Variants in FOXN3 observed in about 807,000 individuals in gnomAD.
The protein encoded by FOXN3 is forkhead box protein N3.
Under a neutral mutation model 38.4 loss-of-function variants are expected in FOXN3, and 7 were observed. The ratio of observed to expected loss-of-function variants is 0.18; its 90% confidence interval spans 0.10 to 0.34. The LOEUF (loss-of-function observed/expected upper bound fraction) is 0.34, where lower values mean the gene tolerates loss of function less well. Ranked by LOEUF, FOXN3 falls within the 10% of genes least tolerant of loss-of-function variation. The probability of loss-of-function intolerance (pLI) is 1.00; values close to 1 mark genes in which losing one functional copy is unlikely to be tolerated. For missense variants in FOXN3, 456 were observed against 613.4 expected (o/e 0.74, Z 2.71); for synonymous variants, 230 against 242.2 (o/e 0.95, Z 0.47).
Position 89,169,535 on chromosome 14 carries a change from A to AAC in FOXN3, c.852-6568_852-6567dup, listed in dbSNP as rs892886955. ...CACACACACACACACACACTCACAA[A>AAC]ACACACACACACACAAAACACACAC... On this transcript the variant is annotated intron_variant, in intron 5 of 5. Coordinates refer to ENST00000557258, the MANE Select transcript of FOXN3 (RefSeq NM_005197.4). 1.7e-4 allele frequency among the ~76,000 whole-genome samples: 24 copies of AAC among 137,162 alleles called. No individual in the cohort carries two copies. The South Asian group carries it at 3.7e-3, about 21-fold the overall frequency. 90.0% of individuals were successfully genotyped at this position (137,162 alleles called of 152,430 possible). A position where few individuals can be genotyped will look rare whatever the true frequency, so the allele number is the denominator to read the frequency against.
intron 4 of FOXN3, among the ~76,000 whole-genome samples, chr14:89,192,639 AATCT>A: frequency 7.0e-6 from 1 of 143,260 alleles, no homozygotes; most frequent in South Asian, 2.1e-4. Flanking sequence ...AAACTATATA[AATCT>A]TATATAGTTT....
chr14:89,313,860 C>T (rs1479688339), intron 3 of FOXN3, among the ~76,000 whole-genome samples: 2 of 152,086 alleles, frequency 1.3e-5, no homozygotes, highest in African/African-American at 2.4e-5. Context: ...GGGGACACTG[C>T]GCTAAGTGAA....
At chr14:89,415,539 C>A (rs1359955073) in intron 1 of FOXN3, among the ~76,000 whole-genome samples, 2 of 137,486 alleles carry the variant, frequency 1.5e-5, no homozygotes, top group Admixed American at 8.5e-5. Flanking sequence ...GCATTTTATA[C>A]CAACAGGGTG....
chr14:89,471,338 G>C (rs8019198), intron 1 of FOXN3, among the ~76,000 whole-genome samples: 1 of 152,050 alleles, frequency 6.6e-6, no homozygotes, highest in Non-Finnish European at 1.5e-5. Flanking sequence ...GTGGTGGCTC[G>C]TGCCTGTAGT....
At chr14:89,297,251 A>G (rs1887067268) in intron 3 of FOXN3, among the ~76,000 whole-genome samples, 1 of 152,110 alleles carries the variant, frequency 6.6e-6, no homozygotes, top group Non-Finnish European at 1.5e-5. Context: ...AAAAAACAGT[A>G]TGGCGGTTCC....
rs539458056 is a variant in FOXN3 at position 89,354,190 on chromosome 14, G to A, written c.544-3382C>T. Reference sequence around the variant, plus strand: ...TTAGAAAAATATCTGCATCTCATCTGAAGACAAGAATATGGAATGCTTTTT... The same window carrying A: ...TTAGAAAAATATCTGCATCTCATCTAAAGACAAGAATATGGAATGCTTTTT... On this transcript the variant is annotated intron_variant, in intron 2 of 5. Transcript: ENST00000557258. 4.6e-5 allele frequency among the ~76,000 whole-genome samples: 7 copies of A among 152,136 alleles called. No individual in the cohort carries two copies. The South Asian group carries it at 1.5e-3, about 32-fold the overall frequency.
At chr14:89,267,052 CT>C (rs775460300) in intron 4 of FOXN3, among the ~76,000 whole-genome samples, 127 of 152,190 alleles carry the variant, frequency 8.3e-4, no homozygotes, top group South Asian at 1.0e-3. Flanking sequence ...CACCATCTCC[CT>C]TTTAGGTAGT....
intron 1 of FOXN3, among the ~76,000 whole-genome samples, chr14:89,532,092 C>T (rs945885681): frequency 2.0e-5 from 3 of 152,126 alleles, no homozygotes; most frequent in Non-Finnish European, 2.9e-5. Flanking sequence ...TCAGAAAGTC[C>T]GGTGGTAGAG....
intron 3 of FOXN3, among the ~76,000 whole-genome samples, chr14:89,320,921 G>A (rs995024904): frequency 6.6e-6 from 1 of 152,174 alleles, no homozygotes; most frequent in Non-Finnish European, 1.5e-5. Context: ...TGACTCTGAG[G>A]AGTTTTTATG....
intron 3 of FOXN3, among the ~76,000 whole-genome samples, chr14:89,332,507 G>C (rs1433225770): frequency 6.6e-6 from 1 of 151,912 alleles, no homozygotes; most frequent in Non-Finnish European, 1.5e-5. Context: ...CCTTAATGCT[G>C]GTCTAAAGAC....
intron 1 of FOXN3, among the ~76,000 whole-genome samples, chr14:89,613,710 T>C (rs910979835): frequency 5.9e-5 from 9 of 152,184 alleles, no homozygotes; most frequent in Non-Finnish European, 1.0e-4. Context: ...CCCATGCAGG[T>C]AGTAGAAACA....
intron 4 of FOXN3, among the ~76,000 whole-genome samples, chr14:89,224,672 C>T (rs965392705): frequency 2.0e-5 from 3 of 152,076 alleles, no homozygotes; most frequent in East Asian, 1.9e-4. Context: ...CATTAGAAAA[C>T]GGGTGACAAT....
chr14:89,247,522 ATGT>A (rs1885332683), intron 4 of FOXN3, among the ~76,000 whole-genome samples: 1 of 152,202 alleles, frequency 6.6e-6, no homozygotes, highest in Non-Finnish European at 1.5e-5. Flanking sequence ...ACAGGAAAGG[ATGT>A]CTAGTGCAAG....
intron 3 of FOXN3, among the ~76,000 whole-genome samples, chr14:89,296,916 T>C (rs557046327): frequency 6.6e-6 from 1 of 152,230 alleles, no homozygotes; most frequent in South Asian, 2.1e-4. Flanking sequence ...GGATTACAGA[T>C]GTGAGCCACC....
At chr14:89,364,415 G>C (rs1395058409) in intron 2 of FOXN3, 3 of 151,650 alleles carry the variant, frequency 2.0e-5, no homozygotes, top group South Asian at 4.2e-4. Flanking sequence ...GAAAAGAGAA[G>C]TTATCATTTC....
At chr14:89,358,772 G>A (rs150381268) in intron 2 of FOXN3, among the ~76,000 whole-genome samples, 86 of 152,334 alleles carry the variant, frequency 5.6e-4, no homozygotes, top group African/African-American at 1.9e-3. Flanking sequence ...ACACATTATT[G>A]TGCTTTCAAA....
intron 4 of FOXN3, among the ~76,000 whole-genome samples, chr14:89,271,239 A>G (rs1351911951): frequency 6.6e-6 from 1 of 152,240 alleles, no homozygotes; most frequent in African/African-American, 2.4e-5. Flanking sequence ...AATATATTCT[A>G]AAGAGTTATT....
At chr14:89,249,314 C>G (rs1885385517) in intron 4 of FOXN3, among the ~76,000 whole-genome samples, 1 of 152,160 alleles carries the variant, frequency 6.6e-6, no homozygotes, top group African/African-American at 2.4e-5. Context: ...AAGCCCTTTC[C>G]CCTTTCCCCT....
chr14:89,572,855 C>T (rs1266773394), intron 1 of FOXN3, among the ~76,000 whole-genome samples: 1 of 152,206 alleles, frequency 6.6e-6, no homozygotes, highest in East Asian at 1.9e-4. Flanking sequence ...AGCCTCGGGG[C>T]CCCAGCTTGG....
Sources: allele counts gnomAD v4.1 joint callset (sites outside exome capture counted in the v4.1 genomes callset), GRCh38; gene constraint gnomAD v4.1.1; transcripts MANE v1.5; gene names NCBI Gene and HGNC (gene_info 2026-07-23, HGNC 2026-07-21).